Variants in ARID1B observed in about 807,000 individuals in gnomAD.
ARID1B encodes AT-rich interactive domain-containing protein 1B.
ARID1B carries 30 observed loss-of-function variants against 212.3 expected under a neutral mutation model. The observed-to-expected ratio is 0.14, with a 90% confidence interval of 0.11 to 0.19. The LOEUF is 0.19. Ranked by LOEUF, ARID1B falls within the 10% of genes least tolerant of loss-of-function variation. The pLI, the probability that ARID1B is intolerant of heterozygous loss-of-function variation, is 1.00. For synonymous variants in ARID1B, 1,402 were observed against 1,301.7 expected (o/e 1.08, Z -1.66); for missense variants, 2,891 against 3,204.0 (o/e 0.90, Z 2.36).
At chr6:157,191,678 TG>T (rs1378722770) in intron 15 of ARID1B, among the ~76,000 whole-genome samples, 1 of 152,198 alleles carries the variant, frequency 6.6e-6, no homozygotes, top group Non-Finnish European at 1.5e-5. Context: ...AAGCCACAAG[TG>T]GAGACTTGAT....
chr6:156,934,604 A>G (rs765361912), intron 3 of ARID1B, among the ~76,000 whole-genome samples: 3 of 152,122 alleles, frequency 2.0e-5, no homozygotes, highest in African/African-American at 4.8e-5. Flanking sequence ...TAGAAACCTC[A>G]GGATCCTATG....
chr6:156,881,739 C>T (rs187850666), intron 2 of ARID1B, among the ~76,000 whole-genome samples: 40 of 152,260 alleles, frequency 2.6e-4, no homozygotes, highest in East Asian at 2.5e-3. Flanking sequence ...AATTGCCTCA[C>T]GGTTTGGGGC....
At chr6:157,112,684 T>C (rs1322069985) in intron 6 of ARID1B, among the ~76,000 whole-genome samples, 1 of 152,170 alleles carries the variant, frequency 6.6e-6, no homozygotes, top group Non-Finnish European at 1.5e-5. Flanking sequence ...AATTGGGCAA[T>C]GTAGAAAACC....
intron 1 of ARID1B, among the ~76,000 whole-genome samples, chr6:156,822,458 C>T (rs752386886): frequency 5.9e-5 from 9 of 152,202 alleles, no homozygotes; most frequent in East Asian, 1.9e-4. Flanking sequence ...GCTCTGCTAC[C>T]GTGAGCCTCC....
chr6:157,020,642 G>A (rs1027422206), intron 4 of ARID1B, among the ~76,000 whole-genome samples: 3 of 152,044 alleles, frequency 2.0e-5, no homozygotes, highest in Non-Finnish European at 4.4e-5. Context: ...TACTCAGATC[G>A]CGAGTCAAAA....
chr6:157,186,558 T>C (rs1792991306), intron 13 of ARID1B: 2 of 470,508 alleles, frequency 4.3e-6, no homozygotes, highest in Non-Finnish European at 8.8e-6. Context: ...TCCAGTCCCA[T>C]CATTAGGGAA....
At chr6:157,069,088 C>T (rs1783856159) in intron 4 of ARID1B, among the ~76,000 whole-genome samples, 1 of 152,024 alleles carries the variant, frequency 6.6e-6, no homozygotes, top group Non-Finnish European at 1.5e-5. Flanking sequence ...ACTTGTATCA[C>T]GTTTTTATCT....
At chr6:157,204,081 G>C in intron 19 of ARID1B, 85 bp downstream of exon 19, 1 of 1,545,356 alleles carries the variant, frequency 6.5e-7, no homozygotes. Context: ...TAATGCCTGA[G>C]TTGATGAGCA....
intron 3 of ARID1B, among the ~76,000 whole-genome samples, chr6:156,909,027 A>G (rs931455259): frequency 6.6e-6 from 1 of 151,884 alleles, no homozygotes; most frequent in African/African-American, 2.4e-5. Flanking sequence ...GACTTTCTTC[A>G]AAGTATTTTA....
At chr6:156,795,932 A>T (rs1206229676) in intron 1 of ARID1B, among the ~76,000 whole-genome samples, 2 of 152,170 alleles carry the variant, frequency 1.3e-5, no homozygotes, top group African/African-American at 2.4e-5. Context: ...GTGTAAGTTA[A>T]ATTTCACGTA....
chr6:156,963,134 CTGTT>C (rs1490966034), intron 4 of ARID1B, among the ~76,000 whole-genome samples: 3 of 152,118 alleles, frequency 2.0e-5, no homozygotes, highest in African/African-American at 7.2e-5. Context: ...TTGGTAGGTT[CTGTT>C]TGTTTTAGAG....
At chr6:156,785,786 T>G (rs568492441) in intron 1 of ARID1B, among the ~76,000 whole-genome samples, 185 of 152,354 alleles carry the variant, frequency 1.2e-3, no homozygotes, top group African/African-American at 4.3e-3. Context: ...ACTTCATAGT[T>G]TGTGAGTAAA....
intron 9 of ARID1B, chr6:157,168,745 T>C (rs1292408645): frequency 6.6e-6 from 1 of 152,224 alleles, no homozygotes; most frequent in Non-Finnish European, 1.5e-5. Flanking sequence ...CTATTCTTAT[T>C]ATTCAGATAA....
At position 156,779,096 on chromosome 6, in the gene ARID1B, C is replaced by T. The variant is rs1778969381; in HGVS notation, c.1416C>T (p.Ser472=). Reference sequence around the variant, plus strand: ...GCCCCGGGGGCGGCGGGGCCGCGAGCCTCAGCAAGGCGGCCGCCGGCTCGG... The same window carrying T: ...GCCCCGGGGGCGGCGGGGCCGCGAGTCTCAGCAAGGCGGCCGCCGGCTCGG... ...MMGPGGGGAA[S]LSKAAAGSAA... is the part of the protein sequence containing the mutation. The change falls in exon 1 of 20, where the codon AGC becomes AGT. Residue 472 remains serine, a synonymous_variant. Transcript: ENST00000636930. 4.1e-6 allele frequency: 5 copies of T among 1,227,456 alleles called. No individual in the cohort carries two copies. Among genetic ancestry groups the T allele is most frequent in the Non-Finnish European group, 5.1e-6 (5 of 986,406 alleles). 76.0% of individuals were successfully genotyped at this position (1,227,456 alleles called of 1,614,324 possible).
intron 4 of ARID1B, among the ~76,000 whole-genome samples, chr6:157,067,813 G>A (rs536545810): frequency 7.3e-5 from 11 of 151,720 alleles, no homozygotes; most frequent in African/African-American, 1.5e-4. Context: ...CCTTTTTTCC[G>A]CCTTTTCTTC....
In ARID1B at chr6:156,896,576, C is replaced by CAAAAAAAAAAAA. The variant is rs72490811; in HGVS notation, c.1987-4787_1987-4776dup. ...GGGCAACAAGAGCAAAACTGCGTCT[C>CAAAAAAAAAAAA]AAAAAAAAAAAAAAAAAAAAAAAAG... On this transcript the variant is annotated intron_variant, in intron 2 of 19. Transcript: ENST00000636930. 1.4e-3 allele frequency among the ~76,000 whole-genome samples: 62 copies of CAAAAAAAAAAAA among 45,906 alleles called. 7 individuals are homozygous for CAAAAAAAAAAAA. The highest frequency in any genetic ancestry group is 6.1e-3 in the African/African-American group (57 of 9,418). The allele number at this position is 45,906 out of a possible 152,430, so 30.1% of individuals were successfully genotyped here.
intron 2 of ARID1B, among the ~76,000 whole-genome samples, chr6:156,861,516 TAGG>T (rs1785333242): frequency 6.6e-6 from 1 of 151,756 alleles, no homozygotes; most frequent in Admixed American, 6.6e-5. Context: ...GAGGCTGAGG[TAGG>T]AGGATTGCCT....
chr6:156,776,126 CGT>C (rs1491510936), upstream of ARID1B, among the ~76,000 whole-genome samples: 2 of 152,090 alleles, frequency 1.3e-5, no homozygotes, highest in African/African-American at 2.4e-5. Flanking sequence ...CTACCAAAAC[CGT>C]AAGTATTGTT....
intron 4 of ARID1B, among the ~76,000 whole-genome samples, chr6:156,945,126 G>A (rs1472987072): frequency 5.8e-4 from 85 of 146,416 alleles, no homozygotes; most frequent in African/African-American, 2.0e-3. Context: ...TAGTAGAGAC[G>A]GGGTTTCACC....
Sources: allele counts gnomAD v4.1 joint callset (sites outside exome capture counted in the v4.1 genomes callset), GRCh38; gene constraint gnomAD v4.1.1; transcripts MANE v1.5; gene names NCBI Gene and HGNC (gene_info 2026-07-23, HGNC 2026-07-21).